Variants in TMEM267 observed in about 807,000 individuals in gnomAD.
TMEM267 encodes the protein transmembrane protein C5orf28.
A neutral mutation model predicts 19.3 loss-of-function variants in TMEM267; 20 were observed. The observed-to-expected ratio is 1.04, with a 90% confidence interval of 0.73 to 1.51. TMEM267 has a LOEUF of 1.51. Among genes scored for constraint, TMEM267 ranks in the 40% most tolerant of loss-of-function variants. TMEM267 has a pLI of 0.00. For synonymous variants in TMEM267, 88 were observed against 90.3 expected (o/e 0.97, Z 0.15); for missense variants, 242 against 261.9 (o/e 0.92, Z 0.52).
chr5:43,465,200 G>GA (rs1172393282), intron 1 of TMEM267, among the ~76,000 whole-genome samples: 4 of 152,102 alleles, frequency 2.6e-5, no homozygotes, highest in Non-Finnish European at 4.4e-5. Flanking sequence ...AAAAACACAT[G>GA]AAAAAATGCT....
At chr5:43,454,427 C>T (rs555167173) in intron 1 of TMEM267, 1 of 153,800 alleles carries the variant, frequency 6.5e-6, no homozygotes, top group Non-Finnish European at 1.4e-5. Context: ...TTTGGGAAAA[C>T]TTTCTCACAT....
At chr5:43,480,464 C>A (rs1233039511) in intron 1 of TMEM267, among the ~76,000 whole-genome samples, 1 of 151,850 alleles carries the variant, frequency 6.6e-6, no homozygotes, top group Non-Finnish European at 1.5e-5. Flanking sequence ...CAGGCAAGTG[C>A]CACCAAGCTT....
Position 43,446,128 on chromosome 5 carries a change from A to T in TMEM267, c.*94T>A. 1.4e-6 allele frequency: 1 copy of T among 729,006 alleles called. No individual in the cohort carries two copies. The allele number at this position is 729,006 out of a possible 1,614,324, so 45.2% of individuals were successfully genotyped here. On this transcript the variant is annotated 3_prime_UTR_variant, in exon 3 of 3. Transcript: ENST00000397080. ...GAATTATAATAACTAAATAATATAA[A>T]CACCTAACTGTATTTTTAAAAATTA...
At chr5:43,474,953 G>A (rs974459201) in intron 1 of TMEM267, among the ~76,000 whole-genome samples, 2 of 152,136 alleles carry the variant, frequency 1.3e-5, no homozygotes, top group African/African-American at 4.8e-5. Context: ...TTCAACCAAT[G>A]TGGAAGACAG....
Position 43,479,374 on chromosome 5 carries a change from C to T in TMEM267, c.-75+4448G>A, listed in dbSNP as rs1045442475. Among the ~76,000 whole-genome samples the T allele has an allele frequency of 2.6e-5, 4 of 151,488 alleles. No individual in the cohort carries two copies. In the South Asian group the frequency reaches 6.2e-4, roughly 24 times the overall value. On this transcript the variant is annotated intron_variant, in intron 1 of 2. Coordinates refer to ENST00000397080, the MANE Select transcript of TMEM267 (RefSeq NM_022483.5). ...CCTTTTTTGAATTTTTGAAAAATTT[C>T]GATGTCTTACTGTTATGACCATAAA...
chr5:43,461,853 T>TG (rs1277006892), intron 1 of TMEM267, among the ~76,000 whole-genome samples: 1 of 152,178 alleles, frequency 6.6e-6, no homozygotes, highest in Admixed American at 6.5e-5. Flanking sequence ...ACCCAGGGCC[T>TG]GGGGGACCTC....
rs534154352 is a variant in TMEM267, at chr5:43,474,620, G to A, written c.-75+9202C>T. ...ACTAAAAATACAAAATTAGCCAAGC[G>A]TGGTGGTGCATGCTTGTAATCCCGG... On this transcript the variant is annotated intron_variant, in intron 1 of 2. Transcript: ENST00000397080. Among the ~76,000 whole-genome samples, 15 of 152,132 alleles carry A rather than the reference G, an allele frequency of 9.9e-5. No individual in the cohort carries two copies. The East Asian group carries it at 1.5e-3, about 16-fold the overall frequency.
rs1304510070 is a variant in TMEM267, at chr5:43,455,099, A to C, written c.-74-1056T>G. ...AAAACAGAAACTAAGTTGGAGGACT[A>C]CTTATGCCATCTTATTTTAAGTTTC... On this transcript the variant is annotated intron_variant, in intron 1 of 2. Coordinates refer to ENST00000397080, the MANE Select transcript of TMEM267 (RefSeq NM_022483.5). Among the ~76,000 whole-genome samples, 6 of 152,186 alleles carry C rather than the reference A, an allele frequency of 3.9e-5. 1 individual carries two copies. Among genetic ancestry groups the C allele is most frequent in the Non-Finnish European group, 8.8e-5 (6 of 68,032 alleles).
intron 1 of TMEM267, chr5:43,476,369 C>T (rs185186620): frequency 6.6e-6 from 1 of 152,302 alleles, no homozygotes; most frequent in Admixed American, 6.5e-5. Context: ...TCTAGTAGAT[C>T]TGCAGCAACT....
intron 2 of TMEM267, among the ~76,000 whole-genome samples, chr5:43,450,387 C>T (rs1360268233): frequency 6.6e-6 from 1 of 152,170 alleles, no homozygotes; most frequent in Non-Finnish European, 1.5e-5. Context: ...GTCATGAATA[C>T]TTATTCAGTT....
chr5:43,459,727 C>G (rs1370332046), intron 1 of TMEM267, among the ~76,000 whole-genome samples: 1 of 152,048 alleles, frequency 6.6e-6, no homozygotes, highest in Non-Finnish European at 1.5e-5. Flanking sequence ...AAGGCATAAT[C>G]TGAATAATAT....
intron 1 of TMEM267, among the ~76,000 whole-genome samples, chr5:43,465,459 C>A (rs567617568): frequency 3.5e-4 from 54 of 152,326 alleles, no homozygotes; most frequent in African/African-American, 1.2e-3. Flanking sequence ...CATCCCATTA[C>A]TGGGTATATA....
chr5:43,465,590 C>G (rs4866745), intron 1 of TMEM267, among the ~76,000 whole-genome samples: 1 of 151,682 alleles, frequency 6.6e-6, no homozygotes, highest in Non-Finnish European at 1.5e-5. Flanking sequence ...GGATTAAGAA[C>G]ATGTGGCACA....
intron 1 of TMEM267, among the ~76,000 whole-genome samples, chr5:43,460,904 T>A (rs1743219176): frequency 6.6e-6 from 1 of 152,212 alleles, no homozygotes; most frequent in African/African-American, 2.4e-5. Context: ...CCTTAAGGAC[T>A]GCAACCCTTA....
intron 1 of TMEM267, among the ~76,000 whole-genome samples, chr5:43,483,175 G>T (rs1176049437): frequency 6.6e-6 from 1 of 152,136 alleles, no homozygotes; most frequent in Non-Finnish European, 1.5e-5. Context: ...CACAAATCTT[G>T]CTTACTTTCA....
chr5:43,466,979 T>C (rs1743765056), intron 1 of TMEM267, among the ~76,000 whole-genome samples: 1 of 151,558 alleles, frequency 6.6e-6, no homozygotes, highest in South Asian at 2.1e-4. Flanking sequence ...TGAAATCCTG[T>C]CTCTACTAAA....
At chr5:43,482,524 G>C (rs1291967248) in intron 1 of TMEM267, among the ~76,000 whole-genome samples, 1 of 152,118 alleles carries the variant, frequency 6.6e-6, no homozygotes, top group African/African-American at 2.4e-5. Context: ...TAAGAGTAGT[G>C]ATCTCTTTTA....
chr5:43,463,690 G>C (rs1248874585), intron 1 of TMEM267, among the ~76,000 whole-genome samples: 5 of 152,214 alleles, frequency 3.3e-5, no homozygotes, highest in African/African-American at 9.6e-5. Context: ...ATAAACAGAA[G>C]CAAAGCCAAA....
chr5:43,447,615 T>C (rs532238982), intron 2 of TMEM267, among the ~76,000 whole-genome samples: 1 of 152,236 alleles, frequency 6.6e-6, no homozygotes, highest in South Asian at 2.1e-4. Flanking sequence ...TTATAAAACA[T>C]GAAGGACAAA....
Sources: allele counts gnomAD v4.1 joint callset (sites outside exome capture counted in the v4.1 genomes callset), GRCh38; gene constraint gnomAD v4.1.1; transcripts MANE v1.5; gene names NCBI Gene and HGNC (gene_info 2026-07-23, HGNC 2026-07-21).